BTBD16: variants seen among roughly 807,000 people sequenced by gnomAD.
BTBD16 encodes the protein BTB/POZ domain-containing protein 16.
In BTBD16, 66 loss-of-function variants were observed where a neutral mutation model predicts 67.4. That is an observed-to-expected ratio of 0.98 (90% CI 0.80 to 1.20). The LOEUF (loss-of-function observed/expected upper bound fraction) is 1.20. Ranked by LOEUF, BTBD16 falls within the 50% of genes most tolerant of loss-of-function variation. The pLI is 0.00. For synonymous variants in BTBD16, 242 were observed against 236.4 expected, an observed-to-expected ratio of 1.02 and a Z score of -0.22; for missense variants, 634 against 616.0, an observed-to-expected ratio of 1.03 and a Z score of -0.31.
At chr10:122,279,511 A>ACACACACACACACACAC (rs2096347757) in intron 3 of BTBD16, among the ~76,000 whole-genome samples, 1 of 143,868 alleles carries the variant, frequency 7.0e-6, no homozygotes, top group Non-Finnish European at 1.5e-5. Context: ...GAGAAAGAGA[A>ACACACACACACACACAC]ACACACACAC....
chr10:122,289,879 C>T, intron 5 of BTBD16, 30 bp from the exon 6 acceptor site: 1 of 1,578,500 alleles, frequency 6.3e-7, no homozygotes, highest in Non-Finnish European at 8.7e-7. Context: ...TTATCACATC[C>T]TGCCATCATC....
intron 1 of BTBD16, among the ~76,000 whole-genome samples, chr10:122,274,486 C>T (rs892328915): frequency 6.6e-6 from 1 of 151,540 alleles, no homozygotes; most frequent in Non-Finnish European, 1.5e-5. Flanking sequence ...TCCTTCCAAT[C>T]AATCTTAACC....
chr10:122,304,038 G>A (rs2096398929), intron 9 of BTBD16, among the ~76,000 whole-genome samples: 1 of 152,116 alleles, frequency 6.6e-6, no homozygotes, highest in South Asian at 2.1e-4. Flanking sequence ...AGGGCCTTCT[G>A]GGCTTGAGGA....
At chr10:122,301,112 C>T (rs1229698759) in intron 9 of BTBD16, among the ~76,000 whole-genome samples, 1 of 152,168 alleles carries the variant, frequency 6.6e-6, no homozygotes, top group Non-Finnish European at 1.5e-5. Context: ...CTGCTTTTCC[C>T]CACTCAGGTG....
chr10:122,335,001 G>T (rs1201906569), intron 14 of BTBD16, 22 bp downstream of exon 14: 1 of 1,166,800 alleles, frequency 8.6e-7, no homozygotes. Context: ...GTGCATGAAA[G>T]TTATGTCTCT....
In BTBD16 at chr10:122,338,073, C is replaced by A. The variant is rs1263725988; in HGVS notation, c.1509C>A (p.Phe503Leu). ...IPIYVSFAFI[F>L]PAS ...TCTATGTAAGTTTTGCATTCATCTT[C>A]CCAGCATCTTGACAGTTTCCAGAAG... is the stretch of plus-strand genomic sequence containing the variant. The change falls in exon 16 of 16, where the codon TTC becomes TTA. Residue 503 changes from phenylalanine (F) to leucine (L), a missense_variant. Transcript: ENST00000260723. 3.7e-6 allele frequency: 6 copies of A among 1,605,318 alleles called. No individual in the cohort carries two copies. Among genetic ancestry groups the A allele is most frequent in the Admixed American group, 3.3e-5 (2 of 59,962 alleles).
At chr10:122,334,363 T>G (rs1323618219) in intron 13 of BTBD16, among the ~76,000 whole-genome samples, 2 of 149,594 alleles carry the variant, frequency 1.3e-5, no homozygotes, top group African/African-American at 4.9e-5. Flanking sequence ...GCCTGGCTAA[T>G]TTTTTGTATT....
At chr10:122,272,470 T>C (rs1432049773) in intron 1 of BTBD16, among the ~76,000 whole-genome samples, 1 of 152,210 alleles carries the variant, frequency 6.6e-6, no homozygotes, top group African/African-American at 2.4e-5. Flanking sequence ...GCCTCCCAAG[T>C]AGCTGGGATT....
chr10:122,289,837 G>C lies in BTBD16; in HGVS notation c.386-72G>C, dbSNP rs867015921. ...TGATACCTCATGGTCATGCCAGGGT[G>C]GTGGGTGCCTCCCACTGTGTCTTCA... On this transcript the variant is annotated intron_variant, in intron 5 of 15. Coordinates refer to ENST00000260723, the MANE Select transcript of BTBD16 (RefSeq NM_144587.5). 9 of 985,704 alleles carry C rather than the reference G, an allele frequency of 9.1e-6. No homozygotes were observed. The Middle Eastern group carries it at 1.9e-3, about 204-fold the overall frequency. 61.1% of individuals were successfully genotyped at this position (985,704 alleles called of 1,614,324 possible).
intron 7 of BTBD16, chr10:122,294,196 C>T (rs987608542): frequency 1.0e-5 from 10 of 985,248 alleles, no homozygotes; most frequent in South Asian, 9.4e-5. Context: ...AGGCTGATGG[C>T]GCAGTTGGCA....
chr10:122,336,517 A>T lies in BTBD16; in HGVS notation c.1287A>T (p.Glu429Asp). 1 of 1,609,364 alleles carries T rather than the reference A, an allele frequency of 6.2e-7. No individual in the cohort carries two copies. Among genetic ancestry groups the T allele is most frequent in the East Asian group, 2.2e-5 (1 of 44,736 alleles). ...AGAGAATAAAGCACACAGACCTGGA[A>T]TCTCCCTCTGCGGTCTACGAGCACA... ...YMQRIKHTDL[E>D]SPSAVYEHNH... Residue 429 changes from glutamate (E) to aspartate (D), a missense_variant, in exon 15 of 16, where the codon GAA becomes GAT. Physicochemically the swap from Glu to Asp is conservative, Grantham distance 45. Coordinates refer to ENST00000260723, the MANE Select transcript of BTBD16 (RefSeq NM_144587.5).
intron 10 of BTBD16, among the ~76,000 whole-genome samples, chr10:122,327,975 G>A (rs552325030): frequency 3.0e-4 from 46 of 152,340 alleles, no homozygotes; most frequent in African/African-American, 9.1e-4. Flanking sequence ...GGCAGCACCC[G>A]GCTGTGGAGC....
intron 9 of BTBD16, among the ~76,000 whole-genome samples, chr10:122,299,458 T>C (rs2096389913): frequency 6.6e-6 from 1 of 152,160 alleles, no homozygotes; most frequent in African/African-American, 2.4e-5. Flanking sequence ...TGCACATTCA[T>C]TTTAGAAAAT....
chr10:122,285,992 G>A (rs2096362899), intron 4 of BTBD16, 113 bp from the exon 5 acceptor site: 5 of 1,073,312 alleles, frequency 4.7e-6, no homozygotes, highest in Non-Finnish European at 5.5e-6. Context: ...CTGCTTGCCT[G>A]CTTCATGTGC....
intron 8 of BTBD16, 112 bp downstream of exon 8, chr10:122,297,949 G>A: frequency 3.4e-6 from 3 of 875,484 alleles, no homozygotes; most frequent in Non-Finnish European, 5.4e-6. Flanking sequence ...TCTATTTGAA[G>A]TCATCAAATA....
intron 5 of BTBD16, chr10:122,287,272 G>A (rs926079707): frequency 3.1e-5 from 8 of 254,050 alleles, no homozygotes; most frequent in Non-Finnish European, 5.0e-5. Flanking sequence ...CTGTACCCAA[G>A]TCAAAACATT....
chr10:122,276,595 T>C (rs978396130), intron 2 of BTBD16, among the ~76,000 whole-genome samples, 196 bp from the exon 3 acceptor site: 1 of 152,230 alleles, frequency 6.6e-6, no homozygotes, highest in Non-Finnish European at 1.5e-5. Flanking sequence ...AATTACTTTG[T>C]AGCTTGAGAT....
intron 10 of BTBD16, among the ~76,000 whole-genome samples, chr10:122,326,222 T>C (rs1199763572): frequency 6.6e-6 from 1 of 152,234 alleles, no homozygotes; most frequent in Non-Finnish European, 1.5e-5. Flanking sequence ...ATTTTTCCCA[T>C]GTGAACCATT....
intron 9 of BTBD16, among the ~76,000 whole-genome samples, chr10:122,303,386 A>G (rs2096397651): frequency 6.6e-6 from 1 of 152,270 alleles, no homozygotes; most frequent in Admixed American, 6.5e-5. Flanking sequence ...ATTCACTTAC[A>G]TCGTGTGTTG....
Sources: gnomAD v4.1 joint callset for allele counts (sites outside exome capture counted in the v4.1 genomes callset) on GRCh38, gnomAD v4.1.1 for gene constraint, MANE v1.5 for transcripts, NCBI Gene and HGNC (gene_info 2026-07-23, HGNC 2026-07-21) for gene names.